The following POU6F2 variants were observed in gnomAD, a reference collection of about 807,000 sequenced individuals.
POU6F2 encodes the protein POU domain, class 6, transcription factor 2.
In POU6F2, 31 loss-of-function variants were observed where a neutral mutation model predicts 71.3. The observed-to-expected ratio is 0.43, with a 90% CI of 0.33 to 0.59. The LOEUF (loss-of-function observed/expected upper bound fraction) is 0.59. Among genes scored for constraint, POU6F2 ranks in the 20% least tolerant of loss-of-function variants. POU6F2 has a pLI of 0.04. For synonymous variants in POU6F2, 347 were observed against 355.7 expected (o/e 0.98, Z 0.27); for missense variants, 783 against 856.8 (o/e 0.91, Z 1.07).
intron 2 of POU6F2, among the ~76,000 whole-genome samples, chr7:39,202,768 C>A (rs2128745123): frequency 6.6e-6 from 1 of 152,278 alleles, no homozygotes; most frequent in East Asian, 1.9e-4. Context: ...TCATCTTACC[C>A]TTGTTATTAA....
At chr7:39,134,808 T>A (rs985845573) in intron 2 of POU6F2, among the ~76,000 whole-genome samples, 3 of 152,234 alleles carry the variant, frequency 2.0e-5, no homozygotes, top group Non-Finnish European at 2.9e-5. Flanking sequence ...GATTCTGATT[T>A]GATAGGTCCC....
At chr7:39,292,341 T>TACCACAATAC (rs1267964586) in intron 4 of POU6F2, among the ~76,000 whole-genome samples, 1 of 152,158 alleles carries the variant, frequency 6.6e-6, no homozygotes, top group Non-Finnish European at 1.5e-5. Flanking sequence ...ATTACCATGT[T>TACCACAATAC]CATTGTGAAG....
chr7:38,985,953 T>C (rs563889360), intron 1 of POU6F2, among the ~76,000 whole-genome samples: 1 of 152,268 alleles, frequency 6.6e-6, no homozygotes. Flanking sequence ...GAAAACTTTT[T>C]TCATTTGTAA....
intron 2 of POU6F2, among the ~76,000 whole-genome samples, chr7:39,091,887 CTGGCACTTTCTTTGAT>C (rs1438311731): frequency 6.6e-6 from 1 of 152,202 alleles, no homozygotes; most frequent in African/African-American, 2.4e-5. Flanking sequence ...TGTGAGAGAA[CTGGCACTTTCTTTGAT>C]TGACGACCTT....
At chr7:39,267,963 G>T (rs1784280096) in intron 4 of POU6F2, among the ~76,000 whole-genome samples, 1 of 152,144 alleles carries the variant, frequency 6.6e-6, no homozygotes, top group Non-Finnish European at 1.5e-5. Context: ...GCTTGCTTGT[G>T]AGGAGAGTTT....
At chr7:38,979,345 T>C (rs777035149) in intron 1 of POU6F2, among the ~76,000 whole-genome samples, 6 of 152,200 alleles carry the variant, frequency 3.9e-5, no homozygotes, top group Non-Finnish European at 7.3e-5. Flanking sequence ...CACTTCAGGG[T>C]TCTGAAAGCA....
At chr7:39,330,737 G>C (rs2115562627) in intron 4 of POU6F2, among the ~76,000 whole-genome samples, 1 of 152,078 alleles carries the variant, frequency 6.6e-6, no homozygotes, top group Middle Eastern at 3.4e-3. Context: ...CATATTTGTG[G>C]GTTACCATTT....
intron 2 of POU6F2, among the ~76,000 whole-genome samples, chr7:39,141,461 G>C (rs1792499563): frequency 6.6e-6 from 1 of 152,126 alleles, no homozygotes; most frequent in Non-Finnish European, 1.5e-5. Flanking sequence ...AGATGAAGAG[G>C]CCAGCCTAAA....
chr7:39,156,734 A>G (rs891235287), intron 2 of POU6F2, among the ~76,000 whole-genome samples: 1 of 152,200 alleles, frequency 6.6e-6, no homozygotes, highest in Non-Finnish European at 1.5e-5. Flanking sequence ...AAAAGCATGC[A>G]AGATCATTCA....
intron 4 of POU6F2, among the ~76,000 whole-genome samples, chr7:39,271,505 A>C (rs1784338320): frequency 6.6e-6 from 1 of 151,972 alleles, no homozygotes; most frequent in Non-Finnish European, 1.5e-5. Context: ...AAAAAAAAAA[A>C]AAAAAAAACC....
At chr7:39,063,075 AAAAG>A (rs777239586) in intron 1 of POU6F2, among the ~76,000 whole-genome samples, 2 of 152,146 alleles carry the variant, frequency 1.3e-5, no homozygotes, top group Non-Finnish European at 2.9e-5. Flanking sequence ...TACACAGAAA[AAAAG>A]AATATTGGAC....
intron 2 of POU6F2, among the ~76,000 whole-genome samples, chr7:39,189,884 A>C (rs930399556): frequency 6.6e-6 from 1 of 151,270 alleles, no homozygotes; most frequent in Admixed American, 6.6e-5. Context: ...CCCCCTTCCT[A>C]CTGAGATGCC....
chr7:39,280,256 A>C (rs1784537678), intron 4 of POU6F2, among the ~76,000 whole-genome samples: 1 of 152,172 alleles, frequency 6.6e-6, no homozygotes, highest in African/African-American at 2.4e-5. Flanking sequence ...TGCTAAGCCC[A>C]TGCTCCCCCA....
At chr7:39,093,501 C>G (rs1433926899) in intron 2 of POU6F2, among the ~76,000 whole-genome samples, 1 of 152,006 alleles carries the variant, frequency 6.6e-6, no homozygotes, top group African/African-American at 2.4e-5. Flanking sequence ...GAAACAGTTT[C>G]ACAATTTAAT....
intron 4 of POU6F2, among the ~76,000 whole-genome samples, chr7:39,244,229 T>C (rs544305423): frequency 6.4e-4 from 97 of 152,334 alleles, no homozygotes; most frequent in African/African-American, 2.3e-3. Flanking sequence ...GTGATGTCTT[T>C]CTGAGGCATA....
chr7:39,110,664 A>G (rs1052927990), intron 2 of POU6F2, among the ~76,000 whole-genome samples: 21 of 152,234 alleles, frequency 1.4e-4, no homozygotes, highest in Non-Finnish European at 2.6e-4. Flanking sequence ...GTATTATACT[A>G]TTAATAGCAC....
At chr7:39,389,838 T>G (rs993247095) in intron 5 of POU6F2, among the ~76,000 whole-genome samples, 16 of 152,266 alleles carry the variant, frequency 1.1e-4, no homozygotes, top group African/African-American at 3.8e-4. Flanking sequence ...CAGCCACAGA[T>G]CCAGTTCAAA....
intron 4 of POU6F2, among the ~76,000 whole-genome samples, chr7:39,331,490 G>GGTTTTGTTTTGTTTTGTTTT (rs553116050): frequency 1.1e-4 from 16 of 151,960 alleles, no homozygotes; most frequent in African/African-American, 3.9e-4. Context: ...ATCTCACTCC[G>GGTTTTGTTTTGTTTTGTTTT]GTTTTGTTTT....
rs182325419 is a variant in POU6F2, at chr7:39,396,444, T to G, written c.973-10156T>G. Reference sequence around the variant, plus strand: ...CCTAGGTGCAGAGCTCATTGATAACTCTGCACAACTTGGACCTGGGCCCCA... The same window carrying G: ...CCTAGGTGCAGAGCTCATTGATAACGCTGCACAACTTGGACCTGGGCCCCA... On this transcript the variant is annotated intron_variant, in intron 5 of 9. Transcript: ENST00000518318. Among the ~76,000 whole-genome samples the G allele has an allele frequency of 5.1e-4, 78 of 152,282 alleles. No homozygotes were observed. In the East Asian group the frequency reaches 0.01, roughly 20 times the overall value.
Sources: gnomAD v4.1 joint callset for allele counts (sites outside exome capture counted in the v4.1 genomes callset) on GRCh38, gnomAD v4.1.1 for gene constraint, MANE v1.5 for transcripts, NCBI Gene and HGNC (gene_info 2026-07-23, HGNC 2026-07-21) for gene names.